ANKRD30B: variants seen among roughly 807,000 people sequenced by gnomAD.
The protein encoded by ANKRD30B is ankyrin repeat domain-containing protein 30B.
ANKRD30B carries 144 observed loss-of-function variants against 202.2 expected under a neutral mutation model. The ratio of observed to expected loss-of-function variants is 0.71; its 90% confidence interval spans 0.62 to 0.82. ANKRD30B has a LOEUF of 0.82. ANKRD30B is among the 40% of genes least tolerant of loss of function. The pLI is 0.00. For missense variants in ANKRD30B, 1,487 were observed against 1,669.1 expected (o/e 0.89, Z 1.90); for synonymous variants, 508 against 561.3 (o/e 0.91, Z 1.34).
chr18:14,934,276 A>G, the ANKRD30B span, among the ~76,000 whole-genome samples: 9 of 152,350 alleles, frequency 5.9e-5, no homozygotes, highest in South Asian at 1.7e-3. Context: ...GGGGCGTGTC[A>G]GTGCCTATGA....
At chr18:14,800,624 C>A (rs1170865061) in intron 22 of ANKRD30B, among the ~76,000 whole-genome samples, 3 of 148,844 alleles carry the variant, frequency 2.0e-5, no homozygotes, top group South Asian at 4.3e-4. Flanking sequence ...GCGCCCGGCC[C>A]AGAGTCTTTT....
At chr18:14,939,012 G>A in the ANKRD30B span, among the ~76,000 whole-genome samples, 1 of 152,170 alleles carries the variant, frequency 6.6e-6, no homozygotes, top group South Asian at 2.1e-4. Flanking sequence ...TCTAGGCCAG[G>A]GTTCTGGCAG....
rs1438596093 is a variant in ANKRD30B at position 14,791,435 on chromosome 18, A to C, written c.1769A>C (p.Tyr590Ser). The change falls in exon 16 of 44, where the codon TAT becomes TCT. Residue 590 changes from tyrosine to serine, a missense_variant. By Grantham distance (144) the Tyr-to-Ser change is moderately radical (BLOSUM62 -2). Coordinates refer to ENST00000690538, the MANE Select transcript of ANKRD30B (RefSeq NM_001367607.2). ...PCETVSQKDV[Y>S]LPKATHQKEF... ...GAGACGGTTTCACAGAAGGATGTGT[A>C]TTTACCCAAAGCTACACATCAAAAA... The C allele has an allele frequency of 1.4e-5, 22 of 1,611,372 alleles. No homozygotes were observed. Among genetic ancestry groups the C allele is most frequent in the Admixed American group, 1.7e-5 (1 of 59,510 alleles).
the ANKRD30B span, among the ~76,000 whole-genome samples, chr18:14,873,092 T>A: frequency 6.6e-6 from 1 of 152,212 alleles, no homozygotes; most frequent in Non-Finnish European, 1.5e-5. Flanking sequence ...TGCAGAAGTC[T>A]GGGACAGTGG....
rs1380215684 is a variant in ANKRD30B at position 14,755,285 on chromosome 18, A to C, written c.617+280A>C. 2.0e-5 allele frequency among the ~76,000 whole-genome samples: 3 copies of C among 152,098 alleles called. 1 individual carries two copies. The South Asian group carries it at 6.2e-4, about 32-fold the overall frequency. On this transcript the variant is annotated intron_variant, in intron 4 of 43. Coordinates refer to ENST00000690538, the MANE Select transcript of ANKRD30B (RefSeq NM_001367607.2). ...TTTCTATTAGCTAAAGTGGTTCTGCATCAGTTTTAAGAAGTATGAACTTTT... is the reference window on the plus strand; with the variant it reads ...TTTCTATTAGCTAAAGTGGTTCTGCCTCAGTTTTAAGAAGTATGAACTTTT...
intron 9 of ANKRD30B, among the ~76,000 whole-genome samples, chr18:14,773,777 T>A (rs1967169982): frequency 6.6e-6 from 1 of 151,896 alleles, no homozygotes; most frequent in African/African-American, 2.4e-5. Flanking sequence ...TGCCTCAGCC[T>A]CCTGTGTAGC....
At chr18:14,788,001 A>G (rs748451467) in intron 15 of ANKRD30B, among the ~76,000 whole-genome samples, 24 of 152,324 alleles carry the variant, frequency 1.6e-4, no homozygotes, top group Middle Eastern at 3.4e-3. Context: ...AATTTTGTCA[A>G]AAACATGTTG....
At chr18:14,844,549 T>A (rs1371088996) in intron 39 of ANKRD30B, among the ~76,000 whole-genome samples, 2 of 152,246 alleles carry the variant, frequency 1.3e-5, no homozygotes, top group East Asian at 3.8e-4. Flanking sequence ...AACATATGTG[T>A]GCGTGTGTCT....
intron 30 of ANKRD30B, among the ~76,000 whole-genome samples, chr18:14,817,790 T>C (rs1291502093): frequency 6.6e-6 from 1 of 152,210 alleles, no homozygotes; most frequent in Non-Finnish European, 1.5e-5. Flanking sequence ...TTTAAAGATA[T>C]TAATGAATCG....
rs751836421 is a variant in ANKRD30B, at chr18:14,787,016, C to T, written c.1673-23C>T. On this transcript the variant is annotated intron_variant, in intron 14 of 43. Transcript: ENST00000690538. ...TAGTAGAGAAATGTTCTCATGAATA[C>T]ATCTGTGATTAACCTTTTATAGCTC... 14 of 1,597,604 alleles carry T rather than the reference C, an allele frequency of 8.8e-6. No individual in the cohort carries two copies. The African/African-American group carries it at 1.5e-4, about 17-fold the overall frequency.
chr18:14,919,249 A>T, the ANKRD30B span, among the ~76,000 whole-genome samples: 12 of 152,336 alleles, frequency 7.9e-5, no homozygotes, highest in South Asian at 4.1e-4. Context: ...TGAAACACAC[A>T]TTGTAAAATG....
the ANKRD30B span, among the ~76,000 whole-genome samples, chr18:14,933,070 C>T: frequency 6.6e-6 from 1 of 152,168 alleles, no homozygotes; most frequent in East Asian, 1.9e-4. Context: ...AATTAAAGAC[C>T]ATGCACGAAT....
At position 14,826,701 on chromosome 18, in the gene ANKRD30B, A is replaced by T. The variant is rs1465882866; in HGVS notation, c.2744-1577A>T. On this transcript the variant is annotated intron_variant, in intron 32 of 43. Transcript: ENST00000690538. ...CCCTCTCTCTCTCTCTCTCACACAC[A>T]CACACACACACACACACACACACAC... Among the ~76,000 whole-genome samples the T allele has an allele frequency of 3.0e-3, 443 of 149,550 alleles. 2 individuals are homozygous for T. The highest frequency in any genetic ancestry group is 0.027 in the East Asian group (135 of 5,020).
At chr18:14,756,426 A>G (rs1914377202) in intron 4 of ANKRD30B, among the ~76,000 whole-genome samples, 1 of 152,076 alleles carries the variant, frequency 6.6e-6, no homozygotes, top group Admixed American at 6.5e-5. Context: ...CCATTTGTCA[A>G]TTTTGGCTTT....
At chr18:14,931,059 C>T in the ANKRD30B span, among the ~76,000 whole-genome samples, 1 of 152,116 alleles carries the variant, frequency 6.6e-6, no homozygotes, top group African/African-American at 2.4e-5. Flanking sequence ...CTGGAGATTC[C>T]GTGATTGTGC....
the ANKRD30B span, among the ~76,000 whole-genome samples, chr18:14,904,577 C>T: frequency 2.0e-5 from 3 of 152,046 alleles, no homozygotes; most frequent in African/African-American, 4.8e-5. Context: ...CTTTGATTTC[C>T]TCATTCTCCC....
At chr18:14,798,474 A>C (rs1354281255) in intron 20 of ANKRD30B, among the ~76,000 whole-genome samples, 1 of 152,188 alleles carries the variant, frequency 6.6e-6, no homozygotes, top group African/African-American at 2.4e-5. Flanking sequence ...CAGTAGTAAC[A>C]GTTGCAGCAA....
Position 14,752,569 on chromosome 18 carries a change from T to A in ANKRD30B, c.225T>A (p.Thr75=). ...NLNKRDMKKR[T]ALHWACVNGH... ...AAAAGTCCTCTCACTCTCGTAGGAC[T>A]GCTCTACACTGGGCCTGTGTCAATG... Residue 75 remains threonine (T), a synonymous_variant, in exon 2 of 44, where the codon ACT becomes ACA. Coordinates refer to ENST00000690538, the MANE Select transcript of ANKRD30B (RefSeq NM_001367607.2). The A allele has an allele frequency of 6.2e-7, 1 of 1,609,994 alleles. No individual in the cohort carries two copies. The highest frequency in any genetic ancestry group is 8.5e-7 in the Non-Finnish European group (1 of 1,178,212).
chr18:14,827,578 C>A (rs1034729423), intron 32 of ANKRD30B, among the ~76,000 whole-genome samples: 6 of 152,066 alleles, frequency 3.9e-5, no homozygotes, highest in Non-Finnish European at 7.4e-5. Context: ...CACATTTGGT[C>A]GCAGATGTCT....
Sources: gnomAD v4.1 joint callset for allele counts (sites outside exome capture counted in the v4.1 genomes callset) on GRCh38, gnomAD v4.1.1 for gene constraint, MANE v1.5 for transcripts, NCBI Gene and HGNC (gene_info 2026-07-23, HGNC 2026-07-21) for gene names.